Variants in PPP2R5E observed in about 807,000 individuals in gnomAD.
PPP2R5E encodes serine/threonine-protein phosphatase 2A 56 kDa regulatory subunit epsilon isoform.
A neutral mutation model predicts 65.3 loss-of-function variants in PPP2R5E; 4 were observed. The observed-to-expected ratio is 0.06, with a 90% confidence interval of 0.03 to 0.14. The LOEUF (loss-of-function observed/expected upper bound fraction) is 0.14. Among genes scored for constraint, PPP2R5E ranks in the 10% least tolerant of loss-of-function variants. The pLI is 1.00. For missense variants in PPP2R5E, 274 were observed against 556.1 expected (o/e 0.49, Z 5.10); for synonymous variants, 183 against 187.4 (o/e 0.98, Z 0.19).
rs570901557 is a variant in PPP2R5E, at chr14:63,429,771, C to T, written c.355-7677G>A. Among the ~76,000 whole-genome samples, 5 of 152,072 alleles carry T rather than the reference C, an allele frequency of 3.3e-5. No individual in the cohort carries two copies. The South Asian group carries it at 6.2e-4, about 19-fold the overall frequency. On this transcript the variant is annotated intron_variant, in intron 3 of 13. Coordinates refer to ENST00000337537, the MANE Select transcript of PPP2R5E (RefSeq NM_006246.5). ...CCATCTTGGCTCACTGCAACCTCCA[C>T]CTCCCCGATTCAAGTGATTCTCCTG...
intron 5 of PPP2R5E, among the ~76,000 whole-genome samples, chr14:63,402,973 T>A (rs1412317853): frequency 6.6e-6 from 1 of 152,096 alleles, no homozygotes; most frequent in African/African-American, 2.4e-5. Flanking sequence ...AAAGAGAAGA[T>A]CTCAAAGAAG....
chr14:63,375,765 G>C lies in PPP2R5E; in HGVS notation c.*244C>G. 1 of 287,244 alleles carries C rather than the reference G, an allele frequency of 3.5e-6. No individual in the cohort carries two copies. The allele number at this position is 287,244 out of a possible 1,614,324, so 17.8% of individuals were successfully genotyped here. ...TGAAGACCGATTTTTTTTTTTAAAA[G>C]AGGGTGAGAACAATGATTATGTTTG... On this transcript the variant is annotated 3_prime_UTR_variant, in exon 14 of 14. Transcript: ENST00000337537.
At chr14:63,440,644 A>AGCAT (rs1358589550) in intron 3 of PPP2R5E, among the ~76,000 whole-genome samples, 1 of 152,026 alleles carries the variant, frequency 6.6e-6, no homozygotes, top group Non-Finnish European at 1.5e-5. Context: ...AGCATCTAAG[A>AGCAT]GCATGGGTTC....
chr14:63,403,038 T>C (rs1234222927), intron 5 of PPP2R5E, among the ~76,000 whole-genome samples: 1 of 152,186 alleles, frequency 6.6e-6, no homozygotes, highest in Non-Finnish European at 1.5e-5. Flanking sequence ...GTGCAGGCCT[T>C]CTTAATACCC....
At chr14:63,422,974 G>A (rs1380539158) in intron 3 of PPP2R5E, among the ~76,000 whole-genome samples, 2 of 152,170 alleles carry the variant, frequency 1.3e-5, no homozygotes, top group African/African-American at 4.8e-5. Context: ...TTAACTATAG[G>A]CAAGATCCAA....
At chr14:63,387,383 G>A (rs112418378) in intron 11 of PPP2R5E, among the ~76,000 whole-genome samples, 1 of 152,168 alleles carries the variant, frequency 6.6e-6, no homozygotes, top group African/African-American at 2.4e-5. Context: ...AAATTACTGT[G>A]TCTGACAACA....
At chr14:63,425,043 T>G (rs1378508004) in intron 3 of PPP2R5E, among the ~76,000 whole-genome samples, 1 of 152,204 alleles carries the variant, frequency 6.6e-6, no homozygotes, top group Non-Finnish European at 1.5e-5. Flanking sequence ...ATGGGTGTTA[T>G]TAAGCTCTAA....
At chr14:63,389,939 G>GA (rs1884911650) in intron 10 of PPP2R5E, among the ~76,000 whole-genome samples, 1 of 151,874 alleles carries the variant, frequency 6.6e-6, no homozygotes, top group Non-Finnish European at 1.5e-5. Flanking sequence ...TACGTACTTG[G>GA]AAAAAATACT....
At chr14:63,494,821 C>T (rs1566742926) in intron 2 of PPP2R5E, among the ~76,000 whole-genome samples, 1 of 151,908 alleles carries the variant, frequency 6.6e-6, no homozygotes, top group African/African-American at 2.4e-5. Context: ...GGCTTGAGCC[C>T]AGGGGGCGGA....
At chr14:63,513,316 G>A (rs1342732525) in intron 2 of PPP2R5E, among the ~76,000 whole-genome samples, 1 of 152,162 alleles carries the variant, frequency 6.6e-6, no homozygotes, top group Non-Finnish European at 1.5e-5. Context: ...GACAAGGATA[G>A]ACTAAGTCTT....
At chr14:63,540,430 CAAAAAA>C (rs202037803) in intron 1 of PPP2R5E, among the ~76,000 whole-genome samples, 1 of 74,648 alleles carries the variant, frequency 1.3e-5, no homozygotes, top group African/African-American at 4.6e-5. Context: ...GAGTCCATCT[CAAAAAA>C]AAAAAAAAAA....
At chr14:63,539,779 C>T (rs1893814540) in intron 1 of PPP2R5E, 87 bp from the exon 2 acceptor site, 1 of 1,324,028 alleles carries the variant, frequency 7.6e-7, no homozygotes, top group African/African-American at 1.5e-5. Flanking sequence ...TTCCCATATA[C>T]AATATTCATG....
intron 2 of PPP2R5E, among the ~76,000 whole-genome samples, chr14:63,529,326 AT>A (rs970443491): frequency 2.0e-5 from 3 of 149,564 alleles, no homozygotes; most frequent in Non-Finnish European, 4.4e-5. Context: ...AAGTGCTGGG[AT>A]TACAGGCGTG....
chr14:63,525,092 G>A (rs1371977530), intron 2 of PPP2R5E, among the ~76,000 whole-genome samples: 2 of 152,148 alleles, frequency 1.3e-5, no homozygotes, highest in African/African-American at 4.8e-5. Context: ...AGCAAACATC[G>A]CTTGTTCTTG....
chr14:63,418,042 T>A (rs895927991), intron 4 of PPP2R5E, among the ~76,000 whole-genome samples: 1 of 152,194 alleles, frequency 6.6e-6, no homozygotes, highest in East Asian at 1.9e-4. Flanking sequence ...TATAAAACTA[T>A]GTTTTTCTCC....
At chr14:63,431,872 G>A (rs1171384372) in intron 3 of PPP2R5E, among the ~76,000 whole-genome samples, 3 of 151,934 alleles carry the variant, frequency 2.0e-5, no homozygotes, top group Non-Finnish European at 4.4e-5. Flanking sequence ...TATACTTTAG[G>A]AATAATTAGT....
rs527309452 is a variant in PPP2R5E at position 63,535,277 on chromosome 14, C to T, written c.157+4252G>A. Among the ~76,000 whole-genome samples, 56 of 152,102 alleles carry T rather than the reference C, an allele frequency of 3.7e-4. 1 individual carries two copies. The East Asian group carries it at 0.01, about 27-fold the overall frequency. On this transcript the variant is annotated intron_variant, in intron 2 of 13. Coordinates refer to ENST00000337537, the MANE Select transcript of PPP2R5E (RefSeq NM_006246.5). The stretch of plus-strand genomic sequence containing the variant: ...TCTACTAAAAATACAAAAAAATTAG[C>T]TTGGTGTGGTGGTGGGCACCTGCAA...
chr14:63,495,139 G>T (rs1020008960), intron 2 of PPP2R5E, among the ~76,000 whole-genome samples: 1 of 151,570 alleles, frequency 6.6e-6, no homozygotes, highest in East Asian at 1.9e-4. Flanking sequence ...GGAGGAGGAG[G>T]TTGCAGTGAG....
intron 3 of PPP2R5E, among the ~76,000 whole-genome samples, chr14:63,422,729 TAAAAAAAAA>T (rs567590182): frequency 5.7e-5 from 5 of 88,196 alleles, no homozygotes; most frequent in African/African-American, 1.6e-4. Context: ...TCCGTCTATT[TAAAAAAAAA>T]AAAAAAAAAA....
Sources: gnomAD v4.1 joint callset for allele counts (sites outside exome capture counted in the v4.1 genomes callset) on GRCh38, gnomAD v4.1.1 for gene constraint, MANE v1.5 for transcripts, NCBI Gene and HGNC (gene_info 2026-07-23, HGNC 2026-07-21) for gene names.